THSD7B: variants seen among roughly 807,000 people sequenced by gnomAD.
THSD7B encodes the protein thrombospondin type-1 domain-containing protein 7B.
In THSD7B, 138 loss-of-function variants were observed where a neutral mutation model predicts 213.6. That is an observed-to-expected ratio of 0.65 (90% CI 0.56 to 0.74). THSD7B has a LOEUF of 0.74. Among genes scored for constraint, THSD7B ranks in the 30% least tolerant of loss-of-function variants. The pLI is 0.00. For synonymous variants in THSD7B, 742 were observed against 687.0 expected, an observed-to-expected ratio of 1.08 and a Z score of -1.25; for missense variants, 1,931 against 1,991.5, an observed-to-expected ratio of 0.97 and a Z score of 0.58.
chr2:136,868,200 T>C (rs543915920), intron 1 of THSD7B, among the ~76,000 whole-genome samples: 59 of 152,278 alleles, frequency 3.9e-4, no homozygotes, highest in African/African-American at 1.4e-3. Context: ...AAACATGTTC[T>C]TGCAAATTTT....
chr2:137,012,856 A>C (rs1219899713), intron 2 of THSD7B, among the ~76,000 whole-genome samples: 3 of 152,234 alleles, frequency 2.0e-5, no homozygotes, highest in African/African-American at 7.2e-5. Context: ...TTTCTAAATT[A>C]GTAAAGCTAA....
At chr2:137,089,270 GTGTGTA>G (rs375191374) in intron 3 of THSD7B, among the ~76,000 whole-genome samples, 2,237 of 145,016 alleles carry the variant, frequency 0.015, 63 homozygotes, top group African/African-American at 0.056. Flanking sequence ...GTGTGTGTGT[GTGTGTA>G]TATGTATATA....
At chr2:136,966,403 G>C (rs1194845368) in intron 2 of THSD7B, among the ~76,000 whole-genome samples, 1 of 152,054 alleles carries the variant, frequency 6.6e-6, no homozygotes, top group African/African-American at 2.4e-5. Flanking sequence ...TTTTTGTAGA[G>C]ACAGGGTTTT....
Position 137,462,821 on chromosome 2 carries a change from G to A in THSD7B, c.3138+11798G>A, listed in dbSNP as rs553797591. Among the ~76,000 whole-genome samples the A allele has an allele frequency of 5.1e-5, 7 of 138,050 alleles. No homozygotes were observed. In the South Asian group the frequency reaches 6.8e-4, roughly 13 times the overall value. 90.6% of individuals were successfully genotyped at this position (138,050 alleles called of 152,430 possible). A position where few individuals can be genotyped will look rare whatever the true frequency, so the allele number is the denominator to read the frequency against. ...AAGAGTAGTGAAGCTCACAATTCACGTATGCCAAAGAGAAGCCATGAAGTG... is the reference window on the plus strand; with the variant it reads ...AAGAGTAGTGAAGCTCACAATTCACATATGCCAAAGAGAAGCCATGAAGTG... On this transcript the variant is annotated intron_variant, in intron 15 of 27. Transcript: ENST00000409968.
intron 17 of THSD7B, among the ~76,000 whole-genome samples, chr2:137,598,688 G>A (rs1010475416): frequency 4.6e-5 from 7 of 152,126 alleles, no homozygotes; most frequent in African/African-American, 1.7e-4. Flanking sequence ...TTGTTAATGT[G>A]TTAGAACAGT....
intron 2 of THSD7B, among the ~76,000 whole-genome samples, chr2:137,003,647 C>A (rs1278962030): frequency 6.6e-6 from 1 of 152,180 alleles, no homozygotes; most frequent in African/African-American, 2.4e-5. Context: ...CTCTTTACAG[C>A]AGCTTCTCCA....
chr2:136,962,228 A>G (rs1311589136), intron 2 of THSD7B, among the ~76,000 whole-genome samples: 1 of 152,150 alleles, frequency 6.6e-6, no homozygotes, highest in African/African-American at 2.4e-5. Flanking sequence ...GCTCCCCTCA[A>G]GCTTGCAGAA....
intron 2 of THSD7B, among the ~76,000 whole-genome samples, chr2:136,928,858 G>A (rs1199770508): frequency 6.6e-6 from 1 of 151,942 alleles, no homozygotes; most frequent in Non-Finnish European, 1.5e-5. Flanking sequence ...AGGAATAAAA[G>A]CTATTGAAAA....
intron 20 of THSD7B, among the ~76,000 whole-genome samples, chr2:137,628,590 T>G (rs1367992516): frequency 8.3e-6 from 1 of 119,946 alleles, no homozygotes; most frequent in Admixed American, 8.2e-5. Flanking sequence ...ATTGAAACAG[T>G]TGGTTGCGCC....
At chr2:137,118,985 G>A (rs1340578246) in intron 5 of THSD7B, among the ~76,000 whole-genome samples, 2 of 152,156 alleles carry the variant, frequency 1.3e-5, no homozygotes, top group African/African-American at 4.8e-5. Flanking sequence ...CATGAGAACA[G>A]TATGGGGCAA....
intron 12 of THSD7B, among the ~76,000 whole-genome samples, chr2:137,395,868 A>G (rs1369070568): frequency 2.0e-5 from 3 of 148,554 alleles, no homozygotes; most frequent in Non-Finnish European, 3.0e-5. Flanking sequence ...TCAGAGATTC[A>G]ACTTCTTCCT....
intron 14 of THSD7B, among the ~76,000 whole-genome samples, chr2:137,441,186 T>C (rs1687402305): frequency 6.6e-6 from 1 of 152,132 alleles, no homozygotes; most frequent in Admixed American, 6.6e-5. Flanking sequence ...GGGCAAAGCA[T>C]TTGCCACTTC....
At chr2:137,172,469 G>A (rs532025584) in intron 7 of THSD7B, among the ~76,000 whole-genome samples, 63 of 152,306 alleles carry the variant, frequency 4.1e-4, no homozygotes, top group African/African-American at 1.5e-3. Context: ...CTTCTGGGCT[G>A]CTGGAAATGT....
intron 14 of THSD7B, among the ~76,000 whole-genome samples, chr2:137,425,196 A>G (rs1395954295): frequency 6.6e-6 from 1 of 151,748 alleles, no homozygotes; most frequent in Non-Finnish European, 1.5e-5. Flanking sequence ...AGAGTAATCT[A>G]GAGATGATTT....
At chr2:137,601,404 G>A (rs1037545680) in intron 17 of THSD7B, among the ~76,000 whole-genome samples, 1 of 151,964 alleles carries the variant, frequency 6.6e-6, no homozygotes, top group Non-Finnish European at 1.5e-5. Flanking sequence ...TTATTTTTAG[G>A]TGTATTTAGA....
chr2:137,393,410 G>C (rs1383357646), intron 12 of THSD7B, among the ~76,000 whole-genome samples: 1 of 150,322 alleles, frequency 6.7e-6, no homozygotes, highest in East Asian at 2.0e-4. Flanking sequence ...AATGTGCGGT[G>C]TTTGGTTTTT....
chr2:137,210,926 T>G (rs1681089316), intron 7 of THSD7B, among the ~76,000 whole-genome samples: 1 of 152,054 alleles, frequency 6.6e-6, no homozygotes, highest in Admixed American at 6.6e-5. Flanking sequence ...CTGAATAATT[T>G]TTAGAATAAT....
chr2:137,264,396 G>A (rs1682529688), intron 10 of THSD7B, among the ~76,000 whole-genome samples: 1 of 152,020 alleles, frequency 6.6e-6, no homozygotes, highest in Non-Finnish European at 1.5e-5. Flanking sequence ...GGGACTACAG[G>A]CACCCGCCAC....
chr2:137,156,065 G>T (rs1444026349), intron 5 of THSD7B: 2 of 152,150 alleles, frequency 1.3e-5, no homozygotes, highest in Non-Finnish European at 2.9e-5. Context: ...TAAAATTGAT[G>T]AATTAAACTA....
Sources: gnomAD v4.1 joint callset for allele counts (sites outside exome capture counted in the v4.1 genomes callset) on GRCh38, gnomAD v4.1.1 for gene constraint, MANE v1.5 for transcripts, NCBI Gene and HGNC (gene_info 2026-07-23, HGNC 2026-07-21) for gene names.